The following HECW1 variants were observed in gnomAD, a reference collection of about 807,000 sequenced individuals.
The protein encoded by HECW1 is E3 ubiquitin-protein ligase HECW1.
HECW1 carries 61 observed loss-of-function variants against 182.3 expected under a neutral mutation model. The observed-to-expected ratio is 0.33, with a 90% confidence interval of 0.27 to 0.41. The LOEUF is 0.41. Ranked by LOEUF, HECW1 falls within the 10% of genes least tolerant of loss-of-function variation. HECW1 has a pLI of 1.00. For synonymous variants in HECW1, 859 were observed against 832.6 expected (o/e 1.03, Z -0.55); for missense variants, 1,739 against 2,108.9 (o/e 0.82, Z 3.44).
At chr7:43,185,110 G>A (rs567853620) in intron 2 of HECW1, among the ~76,000 whole-genome samples, 12 of 151,996 alleles carry the variant, frequency 7.9e-5, no homozygotes, top group South Asian at 2.1e-4. Flanking sequence ...ATCAATGCCC[G>A]TGTAGTGAAG....
chr7:43,320,232 AT>A (rs1208733512), intron 4 of HECW1, among the ~76,000 whole-genome samples: 4 of 152,082 alleles, frequency 2.6e-5, no homozygotes, highest in Admixed American at 2.6e-4. Flanking sequence ...CCAAAGGGAG[AT>A]TTTTTCTTTA....
intron 8 of HECW1, among the ~76,000 whole-genome samples, chr7:43,431,326 A>T (rs2076542323): frequency 6.6e-6 from 1 of 152,064 alleles, no homozygotes; most frequent in East Asian, 1.9e-4. Flanking sequence ...TTGCTTTGGG[A>T]CACTCAGTCA....
intron 2 of HECW1, among the ~76,000 whole-genome samples, chr7:43,168,249 A>G (rs1407982164): frequency 1.3e-5 from 2 of 152,170 alleles, no homozygotes; most frequent in Non-Finnish European, 2.9e-5. Context: ...CCACAATTAT[A>G]TGTTCAGCCT....
At chr7:43,501,115 A>G (rs1426389672) in intron 20 of HECW1, 98 bp from the exon 21 acceptor site, 1 of 654,744 alleles carries the variant, frequency 1.5e-6, no homozygotes, top group Non-Finnish European at 2.6e-6. Flanking sequence ...CTTTGTGAGA[A>G]GTGTAAGTGC....
chr7:43,306,517 C>A (rs1051339903), intron 3 of HECW1, among the ~76,000 whole-genome samples: 2 of 152,124 alleles, frequency 1.3e-5, no homozygotes, highest in Admixed American at 1.3e-4. Flanking sequence ...TTTCTTCCAA[C>A]TAAGTAATGC....
chr7:43,388,411 G>T (rs533897844), intron 6 of HECW1, among the ~76,000 whole-genome samples: 1 of 152,320 alleles, frequency 6.6e-6, no homozygotes, highest in African/African-American at 2.4e-5. Flanking sequence ...AAAATGCCAT[G>T]GACTTTCAGA....
At chr7:43,177,403 AATCTCAGGATCTGAGCCTG>A (rs2152672681) in intron 2 of HECW1, among the ~76,000 whole-genome samples, 1 of 152,340 alleles carries the variant, frequency 6.6e-6, no homozygotes, top group East Asian at 1.9e-4. Context: ...TAATGACCAG[AATCTCAGGATCTGAGCCTG>A]ATCCCAGGGC....
At chr7:43,424,653 A>T (rs1410802045) in intron 8 of HECW1, among the ~76,000 whole-genome samples, 1 of 152,106 alleles carries the variant, frequency 6.6e-6, no homozygotes, top group Non-Finnish European at 1.5e-5. Flanking sequence ...ATAAATAAAT[A>T]AAATAAAACA....
chr7:43,397,721 T>C (rs2075275882), intron 7 of HECW1, among the ~76,000 whole-genome samples: 1 of 152,142 alleles, frequency 6.6e-6, no homozygotes, highest in Non-Finnish European at 1.5e-5. Flanking sequence ...ATAAGGTCAA[T>C]TGATCAGTTA....
At chr7:43,276,689 C>T (rs1803200783) in intron 3 of HECW1, among the ~76,000 whole-genome samples, 1 of 152,196 alleles carries the variant, frequency 6.6e-6, no homozygotes, top group Non-Finnish European at 1.5e-5. Flanking sequence ...TGTCCACTGG[C>T]ACACTCCAGG....
chr7:43,172,359 A>G (rs1277554434), intron 2 of HECW1, among the ~76,000 whole-genome samples: 1 of 151,924 alleles, frequency 6.6e-6, no homozygotes, highest in Non-Finnish European at 1.5e-5. Context: ...AAAAAATAGA[A>G]AAAAATTTTC....
chr7:43,139,205 A>G (rs1217015456), intron 2 of HECW1, among the ~76,000 whole-genome samples: 1 of 152,254 alleles, frequency 6.6e-6, no homozygotes, highest in Non-Finnish European at 1.5e-5. Context: ...CAGCATCCCC[A>G]GAAGCATTTG....
At chr7:43,279,619 C>T (rs1562775917) in intron 3 of HECW1, among the ~76,000 whole-genome samples, 1 of 152,138 alleles carries the variant, frequency 6.6e-6, no homozygotes, top group Non-Finnish European at 1.5e-5. Context: ...AATGTGCGCC[C>T]TCCTTGTCCC....
intron 7 of HECW1, among the ~76,000 whole-genome samples, chr7:43,399,757 T>A (rs1033513019): frequency 2.0e-5 from 3 of 152,198 alleles, no homozygotes; most frequent in African/African-American, 7.2e-5. Flanking sequence ...TCATTTTTCT[T>A]ACATTTATTC....
chr7:43,547,549 GA>G (rs35408234), intron 26 of HECW1, among the ~76,000 whole-genome samples: 26,629 of 138,220 alleles, frequency 0.19, 2,860 homozygotes, highest in Non-Finnish European at 0.26. Flanking sequence ...CTGGCTCAAA[GA>G]AAAAAAAAAA....
intron 2 of HECW1, among the ~76,000 whole-genome samples, chr7:43,115,337 G>A (rs1784958153): frequency 7.6e-6 from 1 of 131,022 alleles, no homozygotes; most frequent in African/African-American, 3.0e-5. Context: ...CAAAACATTT[G>A]GTGGAGGGTT....
At chr7:43,325,103 A>G (rs899208662) in intron 5 of HECW1, among the ~76,000 whole-genome samples, 10 of 152,242 alleles carry the variant, frequency 6.6e-5, no homozygotes, top group African/African-American at 2.4e-4. Context: ...TAAAAATACT[A>G]AAGAAAATAA....
At chr7:43,304,278 G>A (rs1230242920) in intron 3 of HECW1, among the ~76,000 whole-genome samples, 1 of 151,910 alleles carries the variant, frequency 6.6e-6, no homozygotes, top group Non-Finnish European at 1.5e-5. Context: ...GCTTCTGCTG[G>A]TCCTGCATCC....
chr7:43,182,982 G>A (rs550550474), intron 2 of HECW1, among the ~76,000 whole-genome samples: 1 of 151,964 alleles, frequency 6.6e-6, no homozygotes, highest in African/African-American at 2.4e-5. Context: ...TTTTCAGATA[G>A]TTCACTATTA....
Sources: gnomAD v4.1 joint callset for allele counts (sites outside exome capture counted in the v4.1 genomes callset) on GRCh38, gnomAD v4.1.1 for gene constraint, MANE v1.5 for transcripts, NCBI Gene and HGNC (gene_info 2026-07-23, HGNC 2026-07-21) for gene names.